CARMIL1: variants seen among roughly 807,000 people sequenced by gnomAD.
CARMIL1 encodes F-actin-uncapping protein LRRC16A.
In CARMIL1, 90 loss-of-function variants were observed where a neutral mutation model predicts 177.1. The ratio of observed to expected loss-of-function variants is 0.51; its 90% CI spans 0.43 to 0.61. The LOEUF (loss-of-function observed/expected upper bound fraction) is 0.61. CARMIL1 is among the 20% of genes least tolerant of loss of function. CARMIL1 has a pLI of 0.00. For missense variants in CARMIL1, 1,380 were observed against 1,667.0 expected (o/e 0.83, Z 3.00); for synonymous variants, 577 against 606.2 (o/e 0.95, Z 0.71).
chr6:25,358,059 C>T (rs537585313), intron 2 of CARMIL1, among the ~76,000 whole-genome samples: 3 of 152,158 alleles, frequency 2.0e-5, no homozygotes, highest in Admixed American at 6.5e-5. Flanking sequence ...GTACCTCACA[C>T]GCATTTTAAA....
chr6:25,587,795 G>A (rs2142793), intron 31 of CARMIL1, among the ~76,000 whole-genome samples: 1 of 152,148 alleles, frequency 6.6e-6, no homozygotes, highest in South Asian at 2.1e-4. Context: ...TTGACTGTCA[G>A]AAAGTCTTTG....
intron 2 of CARMIL1, among the ~76,000 whole-genome samples, chr6:25,381,570 T>C (rs560355445): frequency 3.3e-5 from 5 of 152,204 alleles, no homozygotes; most frequent in Non-Finnish European, 5.9e-5. Flanking sequence ...AGTAATTCTC[T>C]ATAAAGGCTC....
intron 2 of CARMIL1, among the ~76,000 whole-genome samples, chr6:25,359,607 C>G (rs778951698): frequency 6.6e-6 from 1 of 152,246 alleles, no homozygotes. Flanking sequence ...ATCCAGCAGC[C>G]TTTGTGCTCC....
chr6:25,334,090 C>A (rs546409555), intron 2 of CARMIL1, among the ~76,000 whole-genome samples: 1 of 152,182 alleles, frequency 6.6e-6, no homozygotes, highest in Non-Finnish European at 1.5e-5. Context: ...GTTCAACACA[C>A]CCCTGGTGGC....
chr6:25,500,169 AC>A lies in CARMIL1; in HGVS notation c.1330del (p.Leu444CysfsTer11). 1 of 1,613,822 alleles carries A rather than the reference AC, an allele frequency of 6.2e-7. No individual in the cohort carries two copies. The highest frequency in any genetic ancestry group is 8.5e-7 in the Non-Finnish European group (1 of 1,179,786). ...TATGTGTGTTTCCTCCCCTCAGAGC[AC>A]TGTTATTGGGCCTGGCTTGTAATCA... ...TKLSPEPLKA[L>X]LLGLACNHNL... On this transcript the variant is annotated frameshift_variant, in exon 17 of 37. Coordinates refer to ENST00000329474, the MANE Select transcript of CARMIL1 (RefSeq NM_017640.6). LOFTEE classifies it high-confidence loss of function.
At chr6:25,361,872 C>G (rs983621482) in intron 2 of CARMIL1, among the ~76,000 whole-genome samples, 1 of 151,858 alleles carries the variant, frequency 6.6e-6, no homozygotes, top group Non-Finnish European at 1.5e-5. Flanking sequence ...GCGGGAAGGC[C>G]CTCGCCAGAT....
At chr6:25,438,318 T>G (rs1481920367) in intron 5 of CARMIL1, among the ~76,000 whole-genome samples, 1 of 152,224 alleles carries the variant, frequency 6.6e-6, no homozygotes, top group Non-Finnish European at 1.5e-5. Context: ...TAGTGCTAAG[T>G]GTTGAGGTCC....
intron 2 of CARMIL1, among the ~76,000 whole-genome samples, chr6:25,378,899 A>AC (rs1194511898): frequency 2.6e-5 from 4 of 151,820 alleles, no homozygotes; most frequent in African/African-American, 9.7e-5. Flanking sequence ...TAAAAAAAAA[A>AC]AAACAGGTGT....
At chr6:25,473,453 A>G (rs1185398535) in intron 11 of CARMIL1, among the ~76,000 whole-genome samples, 1 of 152,228 alleles carries the variant, frequency 6.6e-6, no homozygotes, top group Non-Finnish European at 1.5e-5. Flanking sequence ...TGTATTATAT[A>G]TTGTATTCTT....
intron 29 of CARMIL1, chr6:25,563,499 A>G (rs1811309199): frequency 2.0e-6 from 2 of 985,464 alleles, no homozygotes; most frequent in African/African-American, 1.7e-5. Context: ...GATGGGGTAA[A>G]AGAAACATCT....
At chr6:25,502,706 G>A (rs1399630739) in intron 17 of CARMIL1, among the ~76,000 whole-genome samples, 1 of 152,196 alleles carries the variant, frequency 6.6e-6, no homozygotes, top group East Asian at 1.9e-4. Context: ...TGATAAAGCT[G>A]GGATGGGCAT....
At chr6:25,502,840 A>G (rs565095543) in intron 17 of CARMIL1, among the ~76,000 whole-genome samples, 2 of 152,322 alleles carry the variant, frequency 1.3e-5, no homozygotes, top group South Asian at 2.1e-4. Flanking sequence ...GCTAATAGTA[A>G]TATTGACTGT....
chr6:25,545,844 G>A (rs963759638), intron 26 of CARMIL1, among the ~76,000 whole-genome samples: 2 of 152,132 alleles, frequency 1.3e-5, no homozygotes, highest in African/African-American at 4.8e-5. Flanking sequence ...AGGATATAAG[G>A]AATTAAACAG....
chr6:25,345,729 G>A (rs907285312), intron 2 of CARMIL1, among the ~76,000 whole-genome samples: 1 of 152,132 alleles, frequency 6.6e-6, no homozygotes, highest in Non-Finnish European at 1.5e-5. Flanking sequence ...CAGTTATTGT[G>A]CCTCAGCCTC....
At chr6:25,472,052 A>G (rs975418681) in intron 10 of CARMIL1, among the ~76,000 whole-genome samples, 1 of 152,186 alleles carries the variant, frequency 6.6e-6, no homozygotes, top group Non-Finnish European at 1.5e-5. Context: ...TGCATTCACA[A>G]TTGCATGGAA....
chr6:25,547,968 A>G (rs1809680891), intron 26 of CARMIL1, among the ~76,000 whole-genome samples: 1 of 152,164 alleles, frequency 6.6e-6, no homozygotes, highest in Admixed American at 6.6e-5. Context: ...AGAGGAGTAC[A>G]GATGTTTTAT....
At chr6:25,288,725 G>A (rs1781715733) in intron 2 of CARMIL1, among the ~76,000 whole-genome samples, 1 of 152,132 alleles carries the variant, frequency 6.6e-6, no homozygotes, top group Non-Finnish European at 1.5e-5. Flanking sequence ...TTGACAGGTT[G>A]AGGTCAGTTC....
At chr6:25,601,753 T>C (rs1171459718) in intron 33 of CARMIL1, among the ~76,000 whole-genome samples, 1 of 152,226 alleles carries the variant, frequency 6.6e-6, no homozygotes, top group Non-Finnish European at 1.5e-5. Flanking sequence ...TAAAACATTA[T>C]TTATTCTTCA....
rs1582552616 is a variant in CARMIL1, at chr6:25,620,362, C to G, written c.*779C>G. 6.6e-6 allele frequency: 1 copy of G among 152,254 alleles called. No homozygotes were observed. Among genetic ancestry groups the G allele is most frequent in the East Asian group, 1.9e-4 (1 of 5,184 alleles). 9.4% of individuals were successfully genotyped at this position (152,254 alleles called of 1,614,324 possible). ...GTTTTTGAAGGCCTTTAATTTCTGT[C>G]TGCATATTAGCTTTTAATGTGTGAT... On this transcript the variant is annotated 3_prime_UTR_variant, in exon 37 of 37. Coordinates refer to ENST00000329474, the MANE Select transcript of CARMIL1 (RefSeq NM_017640.6).
Sources: gnomAD v4.1 joint callset for allele counts (sites outside exome capture counted in the v4.1 genomes callset) on GRCh38, gnomAD v4.1.1 for gene constraint, MANE v1.5 for transcripts, NCBI Gene and HGNC (gene_info 2026-07-23, HGNC 2026-07-21) for gene names.